BICRAL: variants seen among roughly 807,000 people sequenced by gnomAD.
BICRAL encodes the protein BICRA like chromatin remodeling complex associated protein, also known as BRD4-interacting chromatin-remodeling complex-associated protein-like.
Under a neutral mutation model 91.8 loss-of-function variants are expected in BICRAL, and 8 were observed. That is an observed-to-expected ratio of 0.09 (90% CI 0.05 to 0.16). BICRAL has a LOEUF of 0.16. BICRAL is among the 10% of genes least tolerant of loss of function. BICRAL has a pLI of 1.00. For synonymous variants in BICRAL, 445 were observed against 491.1 expected, an observed-to-expected ratio of 0.91 and a Z score of 1.24; for missense variants, 1,038 against 1,310.9, an observed-to-expected ratio of 0.79 and a Z score of 3.21.
intron 8 of BICRAL, among the ~76,000 whole-genome samples, chr6:42,854,015 C>T (rs756055375): frequency 6.6e-6 from 1 of 152,196 alleles, no homozygotes; most frequent in Non-Finnish European, 1.5e-5. Flanking sequence ...GCAGCTAGTA[C>T]ATACTAGGCA....
At chr6:42,837,389 A>C (rs1291956442) in intron 6 of BICRAL, among the ~76,000 whole-genome samples, 1 of 152,248 alleles carries the variant, frequency 6.6e-6, no homozygotes, top group East Asian at 1.9e-4. Flanking sequence ...TTAATGTTAG[A>C]GATAACTATG....
intron 2 of BICRAL, among the ~76,000 whole-genome samples, chr6:42,816,874 C>T (rs1215917957): frequency 3.3e-5 from 5 of 151,332 alleles, no homozygotes; most frequent in Admixed American, 6.6e-5. Context: ...ATTAGCTGGG[C>T]GTGGTGGTGG....
intron 2 of BICRAL, among the ~76,000 whole-genome samples, chr6:42,815,804 G>C (rs529558104): frequency 6.6e-6 from 1 of 150,448 alleles, no homozygotes; most frequent in African/African-American, 2.4e-5. Context: ...CCTGACCAAC[G>C]TGGAGAAACC....
At chr6:42,817,178 ATGTG>A in intron 2 of BICRAL, among the ~76,000 whole-genome samples, 1 of 149,532 alleles carries the variant, frequency 6.7e-6, no homozygotes, top group Non-Finnish European at 1.5e-5. Flanking sequence ...GTGTGTATAT[ATGTG>A]TGTGTGTGTA....
intron 1 of BICRAL, among the ~76,000 whole-genome samples, chr6:42,795,910 C>A (rs145110828): frequency 0.013 from 1,915 of 152,182 alleles, 34 homozygotes; most frequent in African/African-American, 0.042. Flanking sequence ...ATTTGGAGGG[C>A]ACAGGAACAC....
At chr6:42,845,194 T>A (rs13208584) in intron 6 of BICRAL, among the ~76,000 whole-genome samples, 1 of 93,276 alleles carries the variant, frequency 1.1e-5, no homozygotes, top group Admixed American at 1.3e-4. Flanking sequence ...GTTTTTTGGG[T>A]GTTTTTTTTT....
chr6:42,768,440 G>T (rs1582804567), intron 1 of BICRAL, among the ~76,000 whole-genome samples: 1 of 152,284 alleles, frequency 6.6e-6, no homozygotes, highest in Admixed American at 6.5e-5. Flanking sequence ...TCTCTGGAGA[G>T]ATACTTGGCC....
chr6:42,839,661 A>G (rs1266549313), intron 6 of BICRAL, among the ~76,000 whole-genome samples: 1 of 152,080 alleles, frequency 6.6e-6, no homozygotes, highest in Non-Finnish European at 1.5e-5. Context: ...ATTTTAACAC[A>G]TATCTCTAAG....
At chr6:42,857,860 A>T (rs1274478266) in intron 10 of BICRAL, among the ~76,000 whole-genome samples, 1 of 117,832 alleles carries the variant, frequency 8.5e-6, no homozygotes, top group East Asian at 2.5e-4. Context: ...CCCAGGTTGG[A>T]GTGCAGTGGC....
intron 2 of BICRAL, among the ~76,000 whole-genome samples, chr6:42,815,023 C>T (rs375531103): frequency 6.6e-6 from 1 of 151,056 alleles, no homozygotes; most frequent in African/African-American, 2.4e-5. Context: ...GATTCTCATG[C>T]CTCAGCCCCC....
chr6:42,794,576 G>T (rs951838421), intron 1 of BICRAL, among the ~76,000 whole-genome samples: 1 of 151,904 alleles, frequency 6.6e-6, no homozygotes, highest in Admixed American at 6.6e-5. Context: ...TATTTTATAA[G>T]TACTAATATA....
chr6:42,857,259 G>T, intron 10 of BICRAL, 23 bp downstream of exon 10: 1 of 1,595,376 alleles, frequency 6.3e-7, no homozygotes, highest in Non-Finnish European at 8.6e-7. Context: ...GGACCCTAAG[G>T]CACCACTCTG....
chr6:42,811,216 AC>A (rs1400592072), intron 2 of BICRAL, among the ~76,000 whole-genome samples: 1 of 152,210 alleles, frequency 6.6e-6, no homozygotes, highest in Non-Finnish European at 1.5e-5. Context: ...GAGCCCTGTA[AC>A]CAACCCAGCT....
rs1313586894 is a variant in BICRAL, at chr6:42,857,608, A to T, written c.2254+372A>T. Among the ~76,000 whole-genome samples, 679 of 108,278 alleles carry T rather than the reference A, an allele frequency of 6.3e-3. 7 individuals carry two copies. Among genetic ancestry groups the T allele is most frequent in the African/African-American group, 0.04 (630 of 15,766 alleles). The allele number at this position is 108,278 out of a possible 152,430, so 71.0% of individuals were successfully genotyped here. ...AGGGAGACACTGTCTCTTAAAAAAA[A>T]AAAAAAATATATATATATATATATA... On this transcript the variant is annotated intron_variant, in intron 10 of 12. Transcript: ENST00000314073.
chr6:42,759,123 C>T (rs1404173634), intron 1 of BICRAL, among the ~76,000 whole-genome samples: 1 of 152,200 alleles, frequency 6.6e-6, no homozygotes, highest in Non-Finnish European at 1.5e-5. Context: ...AGGTGGTTCT[C>T]ATGGGCAACC....
At chr6:42,857,271 T>C (rs754509203) in intron 10 of BICRAL, 35 bp downstream of exon 10, 3 of 1,576,208 alleles carry the variant, frequency 1.9e-6, no homozygotes, top group East Asian at 4.5e-5. Flanking sequence ...ACCACTCTGA[T>C]ACCAGGAAAC....
Position 42,822,990 on chromosome 6 carries a change from T to A in BICRAL, c.146T>A (p.Phe49Tyr). 6.2e-7 allele frequency: 1 copy of A among 1,604,176 alleles called. No homozygotes were observed. Among genetic ancestry groups the A allele is most frequent in the Non-Finnish European group, 8.5e-7 (1 of 1,171,002 alleles). The change falls in exon 5 of 13, where the codon TTC (phenylalanine) becomes TAC (tyrosine). Residue 49 changes from phenylalanine to tyrosine, a missense_variant. By Grantham distance (22) the Phe-to-Tyr change is conservative (BLOSUM62 3). This residue lies in a region of BICRAL where 115 missense variants were observed against 121.5 expected (regional missense o/e 0.95). Coordinates refer to ENST00000314073, the MANE Select transcript of BICRAL (RefSeq NM_001393499.1). ...GYSAANSNSI[F>Y]ANSSNADPKS... Reference sequence around the variant, plus strand: ...TCTGCAGCCAATTCAAATTCAATTTTCGCCAACTCTAGTGTGAGTATTGGA... The same window carrying A: ...TCTGCAGCCAATTCAAATTCAATTTACGCCAACTCTAGTGTGAGTATTGGA...
upstream of BICRAL, among the ~76,000 whole-genome samples, chr6:42,780,996 CAA>C (rs1234496829): frequency 6.6e-6 from 1 of 152,042 alleles, no homozygotes; most frequent in Non-Finnish European, 1.5e-5. Flanking sequence ...CTCGGCCTCC[CAA>C]AGTGTTGGAA....
chr6:42,770,950 G>A (rs1268073471), intron 1 of BICRAL, among the ~76,000 whole-genome samples: 4 of 152,160 alleles, frequency 2.6e-5, no homozygotes, highest in Non-Finnish European at 5.9e-5. Context: ...ACAAAGTGCT[G>A]GGATTACAGG....
Sources: gnomAD v4.1 joint callset for allele counts (sites outside exome capture counted in the v4.1 genomes callset) on GRCh38, gnomAD v4.1.1 for gene constraint, gnomAD v4.1.1 regional missense constraint, MANE v1.5 for transcripts, NCBI Gene and HGNC (gene_info 2026-07-23, HGNC 2026-07-21) for gene names.